The following FRMD4A variants were observed in gnomAD, a reference collection of about 807,000 sequenced individuals.
FRMD4A encodes the protein FERM domain containing 4A, also known as FERM domain-containing protein 4A.
FRMD4A carries 29 observed loss-of-function variants against 129.1 expected under a neutral mutation model. That is an observed-to-expected ratio of 0.22 (90% CI 0.17 to 0.31). The LOEUF is 0.31. Among genes scored for constraint, FRMD4A ranks in the 10% least tolerant of loss-of-function variants. The probability of loss-of-function intolerance (pLI) is 1.00; values close to 1 mark genes in which losing one functional copy is unlikely to be tolerated. For synonymous variants in FRMD4A, 634 were observed against 571.6 expected (o/e 1.11, Z -1.56); for missense variants, 1,272 against 1,375.8 (o/e 0.92, Z 1.19).
chr10:13,654,024 T>C (rs1299792856), intron 23 of FRMD4A: 5 of 354,482 alleles, frequency 1.4e-5, no homozygotes, highest in African/African-American at 2.1e-5. Context: ...CCTGCCCCAG[T>C]GTATTTGCTG....
In FRMD4A at chr10:14,296,484, C is replaced by T. The variant is rs115096148; in HGVS notation, c.45+33574G>A. 8.1e-3 allele frequency among the ~76,000 whole-genome samples: 1,231 copies of T among 152,226 alleles called. 12 individuals are homozygous for T. The highest frequency in any genetic ancestry group is 0.024 in the African/African-American group (982 of 41,544). On this transcript the variant is annotated intron_variant, in intron 2 of 24. Transcript: ENST00000357447. ...TTCTGACCCCCATGCCTTTGTGACT[C>T]GCCTCCAAACTGCCCTCAGGTGTCA...
At chr10:13,737,458 T>C (rs764481395) in intron 12 of FRMD4A, among the ~76,000 whole-genome samples, 7 of 152,126 alleles carry the variant, frequency 4.6e-5, no homozygotes, top group Non-Finnish European at 1.0e-4. Context: ...GTCCCAGAAA[T>C]CTTTGGGAGA....
Position 13,659,469 on chromosome 10 carries a change from G to A in FRMD4A, c.1920C>T (p.Ser640=), listed in dbSNP as rs753586892. The change falls in exon 21 of 25, where the codon AGC becomes AGT. Residue 640 remains serine, a synonymous_variant. Transcript: ENST00000357447. ...CGCCGGCTTCCGCACAGCTTCCTGT[G>A]CTGGGGAAGCGCTTGTGGCTGCTGC... is the stretch of plus-strand genomic sequence containing the variant. ...SHSSSHKRFP[S]TGSCAEAGGG... is the part of the protein sequence containing the mutation. 1.2e-5 allele frequency: 19 copies of A among 1,613,232 alleles called. No individual in the cohort carries two copies. In the Admixed American group the frequency reaches 2.7e-4, roughly 23 times the overall value.
intron 2 of FRMD4A, among the ~76,000 whole-genome samples, chr10:14,314,434 G>A (rs1846662641): frequency 6.6e-6 from 1 of 152,158 alleles, no homozygotes; most frequent in Admixed American, 6.5e-5. Flanking sequence ...GGTTATGGGA[G>A]GAGGCTATGT....
intron 2 of FRMD4A, among the ~76,000 whole-genome samples, chr10:14,237,836 G>C (rs1452103253): frequency 1.3e-5 from 2 of 152,198 alleles, no homozygotes; most frequent in African/African-American, 2.4e-5. Context: ...CACTGACTAT[G>C]ATGAGGGTGC....
intron 2 of FRMD4A, among the ~76,000 whole-genome samples, chr10:14,095,792 C>T (rs921032827): frequency 6.6e-6 from 1 of 152,236 alleles, no homozygotes; most frequent in African/African-American, 2.4e-5. Flanking sequence ...ACCCACTTCT[C>T]CAGAGTTTAA....
intron 2 of FRMD4A, among the ~76,000 whole-genome samples, chr10:14,011,148 A>G (rs1315188954): frequency 6.6e-6 from 1 of 152,248 alleles, no homozygotes; most frequent in Non-Finnish European, 1.5e-5. Flanking sequence ...GGACTTTATC[A>G]GATTACAGCA....
At chr10:14,161,121 A>AT (rs1381383578) in intron 2 of FRMD4A, among the ~76,000 whole-genome samples, 2 of 151,924 alleles carry the variant, frequency 1.3e-5, no homozygotes, top group African/African-American at 4.8e-5. Context: ...CACCTGGATA[A>AT]TTTTTTGTAG....
At chr10:13,780,136 G>A (rs1393878989) in intron 6 of FRMD4A, among the ~76,000 whole-genome samples, 1 of 152,154 alleles carries the variant, frequency 6.6e-6, no homozygotes, top group East Asian at 1.9e-4. Context: ...AGACCAGCCT[G>A]GGCAACATGG....
intron 22 of FRMD4A, chr10:13,655,262 C>A (rs1461175420): frequency 6.6e-6 from 1 of 152,196 alleles, no homozygotes; most frequent in Non-Finnish European, 1.5e-5. Context: ...TCCAAAAGAT[C>A]TACCTCATCT....
intron 2 of FRMD4A, among the ~76,000 whole-genome samples, chr10:14,284,817 G>A (rs762095883): frequency 2.6e-5 from 4 of 152,022 alleles, no homozygotes; most frequent in East Asian, 1.9e-4. Context: ...GTCCTCATTC[G>A]TGTCTTCCCT....
chr10:13,964,777 C>T (rs1565126351), intron 2 of FRMD4A, among the ~76,000 whole-genome samples: 1 of 151,692 alleles, frequency 6.6e-6, no homozygotes, highest in Non-Finnish European at 1.5e-5. Flanking sequence ...CAACCTCCAC[C>T]TCCTGGGTTC....
chr10:13,993,852 TAA>T (rs397695448), intron 2 of FRMD4A, among the ~76,000 whole-genome samples: 15 of 151,160 alleles, frequency 9.9e-5, no homozygotes, highest in African/African-American at 2.7e-4. Flanking sequence ...TTTTTTTTTT[TAA>T]AAAAATATAT....
At chr10:13,729,934 G>T (rs1178317625) in intron 12 of FRMD4A, among the ~76,000 whole-genome samples, 1 of 152,208 alleles carries the variant, frequency 6.6e-6, no homozygotes, top group Non-Finnish European at 1.5e-5. Flanking sequence ...CTTTTTTGGA[G>T]TTATGTGCTT....
chr10:13,761,168 G>A (rs959618008), intron 8 of FRMD4A, among the ~76,000 whole-genome samples: 25 of 152,242 alleles, frequency 1.6e-4, no homozygotes, highest in Non-Finnish European at 5.9e-5. Context: ...CAGAAGGAAA[G>A]CAGAGGTGGG....
intron 2 of FRMD4A, among the ~76,000 whole-genome samples, chr10:14,059,858 T>C (rs1439403301): frequency 6.6e-6 from 1 of 152,232 alleles, no homozygotes; most frequent in African/African-American, 2.4e-5. Flanking sequence ...ATATTTTGTA[T>C]TTTCTATGTG....
intron 2 of FRMD4A, among the ~76,000 whole-genome samples, chr10:14,132,041 T>C (rs1428192145): frequency 6.6e-6 from 1 of 152,132 alleles, no homozygotes; most frequent in Non-Finnish European, 1.5e-5. Context: ...ATCCCAGCAC[T>C]TCGGGAGGCC....
chr10:14,219,487 T>A (rs1843178823), intron 2 of FRMD4A, among the ~76,000 whole-genome samples: 1 of 152,152 alleles, frequency 6.6e-6, no homozygotes, highest in Non-Finnish European at 1.5e-5. Flanking sequence ...TATTCACAAA[T>A]GAGGGACCCG....
At chr10:13,730,459 G>C (rs1397934095) in intron 12 of FRMD4A, among the ~76,000 whole-genome samples, 1 of 152,116 alleles carries the variant, frequency 6.6e-6, no homozygotes, top group Non-Finnish European at 1.5e-5. Flanking sequence ...ATTTCACACA[G>C]CTGGCAGTTT....
Sources: allele counts gnomAD v4.1 joint callset (sites outside exome capture counted in the v4.1 genomes callset), GRCh38; gene constraint gnomAD v4.1.1; transcripts MANE v1.5; gene names NCBI Gene and HGNC (gene_info 2026-07-23, HGNC 2026-07-21).